TRAPPC3: variants seen among roughly 807,000 people sequenced by gnomAD.
The protein encoded by TRAPPC3 is trafficking protein particle complex 3.
TRAPPC3 carries 5 observed loss-of-function variants against 18.2 expected under a neutral mutation model. That is an observed-to-expected ratio of 0.28 (90% CI 0.14 to 0.58). The LOEUF (loss-of-function observed/expected upper bound fraction) is 0.58. TRAPPC3 is among the 20% of genes least tolerant of loss of function. The pLI is 0.91. For missense variants in TRAPPC3, 176 were observed against 225.9 expected (o/e 0.78, Z 1.41); for synonymous variants, 65 against 84.2 (o/e 0.77, Z 1.25).
intron 1 of TRAPPC3, chr1:36,140,373 G>C (rs1644089666): frequency 2.3e-6 from 1 of 434,288 alleles, no homozygotes; most frequent in Non-Finnish European, 4.0e-6. Flanking sequence ...AAAATGGGCT[G>C]TAAAAGGCAC....
intron 1 of TRAPPC3, among the ~76,000 whole-genome samples, chr1:36,144,130 A>C (rs940641367): frequency 2.0e-5 from 3 of 151,878 alleles, no homozygotes; most frequent in Non-Finnish European, 2.9e-5. Flanking sequence ...TCTACTAAAA[A>C]TACAAAAATT....
At chr1:36,138,013 A>T in intron 3 of TRAPPC3, 35 bp from the exon 4 acceptor site, 1 of 1,611,176 alleles carries the variant, frequency 6.2e-7, no homozygotes, top group Non-Finnish European at 8.5e-7. Context: ...TTTGGGGAAG[A>T]GCAGCAGGAA....
intron 1 of TRAPPC3, among the ~76,000 whole-genome samples, chr1:36,141,323 C>G (rs770285050): frequency 4.6e-5 from 7 of 152,100 alleles, no homozygotes; most frequent in Non-Finnish European, 8.8e-5. Context: ...AATGAATTAA[C>G]TCAGAAATAA....
chr1:36,143,474 A>G (rs1023306603), intron 1 of TRAPPC3, among the ~76,000 whole-genome samples: 2 of 152,190 alleles, frequency 1.3e-5, no homozygotes, highest in East Asian at 1.9e-4. Context: ...AGGAAATCAG[A>G]TAAGTGACGG....
chr1:36,154,564 G>A (rs1383419602), intron 1 of TRAPPC3, among the ~76,000 whole-genome samples: 1 of 152,036 alleles, frequency 6.6e-6, no homozygotes, highest in African/African-American at 2.4e-5. Flanking sequence ...CGTCATCCCC[G>A]CAGTCCCCCC....
upstream of TRAPPC3, among the ~76,000 whole-genome samples, chr1:36,152,632 T>A (rs1284715876): frequency 6.6e-6 from 1 of 151,804 alleles, no homozygotes; most frequent in African/African-American, 2.4e-5. Flanking sequence ...TAGTATACTC[T>A]TTTTTTAAAG....
upstream of TRAPPC3, among the ~76,000 whole-genome samples, chr1:36,149,908 C>T (rs1644255717): frequency 6.6e-6 from 1 of 152,264 alleles, no homozygotes; most frequent in Non-Finnish European, 1.5e-5. Flanking sequence ...CTAGCAATGA[C>T]TCACACAGAA....
chr1:36,143,727 T>C (rs1474205543), intron 1 of TRAPPC3, among the ~76,000 whole-genome samples: 1 of 152,232 alleles, frequency 6.6e-6, no homozygotes, highest in Non-Finnish European at 1.5e-5. Flanking sequence ...ATTTTACAGA[T>C]GACAGGTTAA....
rs58378686 is a variant in TRAPPC3, at chr1:36,144,289, C to CAAAA, written c.43-4127_43-4124dup. ...GGAGACAAGAGCGAAACCCTGTCTC[C>CAAAA]AAAAAAAAAAAAAAAAAAAAGGGAG... On this transcript the variant is annotated intron_variant, in intron 1 of 4. Transcript: ENST00000373166. Among the ~76,000 whole-genome samples the CAAAA allele has an allele frequency of 0.019, 1,068 of 57,462 alleles. 81 individuals are homozygous for CAAAA. The East Asian group carries it at 0.2, about 11-fold the overall frequency. The allele number at this position is 57,462 out of a possible 152,430, so 37.7% of individuals were successfully genotyped here.
At chr1:36,152,829 T>A (rs1644281200), upstream of TRAPPC3, among the ~76,000 whole-genome samples, 1 of 152,008 alleles carries the variant, frequency 6.6e-6, no homozygotes, top group Non-Finnish European at 1.5e-5. Flanking sequence ...TTTTTGTATT[T>A]TTGGTGGAGA....
chr1:36,147,379 A>G (rs1644216352), intron 1 of TRAPPC3, among the ~76,000 whole-genome samples: 1 of 151,954 alleles, frequency 6.6e-6, no homozygotes, highest in Non-Finnish European at 1.5e-5. Flanking sequence ...CACAGATGCA[A>G]TCCCAGTAAT....
upstream of TRAPPC3, among the ~76,000 whole-genome samples, chr1:36,152,608 G>A (rs1220224465): frequency 2.0e-5 from 3 of 151,712 alleles, no homozygotes; most frequent in East Asian, 1.9e-4. Context: ...CCCCCGCCTG[G>A]CCAAAAATTT....
intron 1 of TRAPPC3, among the ~76,000 whole-genome samples, chr1:36,145,390 T>G (rs1272336002): frequency 6.6e-6 from 1 of 152,104 alleles, no homozygotes; most frequent in African/African-American, 2.4e-5. Context: ...AAATAGGTAA[T>G]CCAGTGTGAA....
Position 36,149,394 on chromosome 1 carries a change from GC to G in TRAPPC3, c.-17del. ...GCCTCGACATGGTGCCGGCCGCCCC[GC>G]CCCACTCGCCTAGCCACGGGTTAGC... is the stretch of plus-strand genomic sequence containing the variant. On this transcript the variant is annotated 5_prime_UTR_variant, in exon 1 of 5. Coordinates refer to ENST00000373166, the MANE Select transcript of TRAPPC3 (RefSeq NM_014408.5). 6.2e-7 allele frequency: 1 copy of G among 1,612,216 alleles called. No homozygotes were observed.
chr1:36,144,345 C>A (rs1467737214), intron 1 of TRAPPC3, among the ~76,000 whole-genome samples: 1 of 131,748 alleles, frequency 7.6e-6, no homozygotes, highest in Non-Finnish European at 1.6e-5. Flanking sequence ...GATTTTGAAT[C>A]AATATAAACA....
In TRAPPC3 at chr1:36,149,451, G is replaced by T; in HGVS notation, c.-73C>A. The T allele has an allele frequency of 6.3e-7, 1 of 1,579,298 alleles. No homozygotes were observed. Among genetic ancestry groups the T allele is most frequent in the Non-Finnish European group, 8.6e-7 (1 of 1,161,000 alleles). On this transcript the variant is annotated 5_prime_UTR_variant, in exon 1 of 5. Coordinates refer to ENST00000373166, the MANE Select transcript of TRAPPC3 (RefSeq NM_014408.5). ...GACCCCTGCAGACGCCGGAGCCTAA[G>T]CCGCTGCCCCTCAGCCCACAAGACC...
At chr1:36,154,644 A>G (rs1408689395) in intron 1 of TRAPPC3, among the ~76,000 whole-genome samples, 1 of 152,080 alleles carries the variant, frequency 6.6e-6, no homozygotes, top group Non-Finnish European at 1.5e-5. Context: ...TTACTCATCA[A>G]TGCCTTCATC....
chr1:36,149,211 G>A, intron 1 of TRAPPC3, 126 bp downstream of exon 1: 3 of 1,530,436 alleles, frequency 2.0e-6, no homozygotes, highest in Non-Finnish European at 2.6e-6. Flanking sequence ...GACCCAGCAA[G>A]AGGCTTCCCC....
In TRAPPC3 at chr1:36,138,098, A is replaced by G. The variant is rs1305380896; in HGVS notation, c.241-120T>C. 7 of 1,572,454 alleles carry G rather than the reference A, an allele frequency of 4.5e-6. No individual in the cohort carries two copies. The South Asian group carries it at 6.9e-5, about 16-fold the overall frequency. Reference sequence around the variant, plus strand: ...CAGGAACAAACCTGTGGCCTCTGCAAGATGACACTTCAGATACTCAGGACA... The same window carrying G: ...CAGGAACAAACCTGTGGCCTCTGCAGGATGACACTTCAGATACTCAGGACA... On this transcript the variant is annotated intron_variant, in intron 3 of 4. Coordinates refer to ENST00000373166, the MANE Select transcript of TRAPPC3 (RefSeq NM_014408.5).
Sources: allele counts gnomAD v4.1 joint callset (sites outside exome capture counted in the v4.1 genomes callset), GRCh38; gene constraint gnomAD v4.1.1; transcripts MANE v1.5; gene names NCBI Gene and HGNC (gene_info 2026-07-23, HGNC 2026-07-21).